Variants in IL1RAPL1 observed in about 807,000 individuals in gnomAD.
The protein encoded by IL1RAPL1 is interleukin-1 receptor accessory protein-like 1.
A neutral mutation model predicts 48.4 loss-of-function variants in IL1RAPL1; 3 were observed. The ratio of observed to expected loss-of-function variants is 0.06; its 90% confidence interval spans 0.03 to 0.16. The LOEUF (loss-of-function observed/expected upper bound fraction) is 0.16, where lower values mean the gene tolerates loss of function less well. IL1RAPL1 is among the 10% of genes least tolerant of loss of function. The pLI, the probability that IL1RAPL1 is intolerant of heterozygous loss-of-function variation, is 1.00. For missense variants in IL1RAPL1, 349 were observed against 530.6 expected (o/e 0.66, Z 3.36); for synonymous variants, 185 against 187.7 (o/e 0.99, Z 0.12).
At chrX:29,318,609 C>G (rs1432677990) in intron 3 of IL1RAPL1, among the ~76,000 whole-genome samples, 1 of 112,319 alleles carries the variant, frequency 8.9e-6, no homozygotes, top group East Asian at 2.8e-4. Flanking sequence ...CAGAAAGATG[C>G]CTATGCAACT....
chrX:28,807,056 A>G (rs921316712), intron 2 of IL1RAPL1, among the ~76,000 whole-genome samples: 2 of 111,480 alleles, frequency 1.8e-5, no homozygotes, highest in East Asian at 5.7e-4. Context: ...GTATGGAGTC[A>G]GCAGAATAGT....
chrX:28,700,868 G>A (rs1271766394), intron 1 of IL1RAPL1, among the ~76,000 whole-genome samples: 5 of 111,159 alleles, frequency 4.5e-5, no homozygotes, highest in Non-Finnish European at 9.4e-5. Flanking sequence ...CCATGTCCCT[G>A]CAAAGGACAT....
At position 29,080,924 on chromosome X, in the gene IL1RAPL1, T is replaced by TTTTC. The variant is rs1270246223; in HGVS notation, c.83-201944_83-201941dup. 2.7e-3 allele frequency among the ~76,000 whole-genome samples: 181 copies of TTTTC among 67,831 alleles called. 4 individuals carry two copies. Among genetic ancestry groups the TTTTC allele is most frequent in the East Asian group, 3.9e-3 (8 of 2,037 alleles). 58.9% of individuals were successfully genotyped at this position (67,831 alleles called of 115,157 possible). A position where few individuals can be genotyped will look rare whatever the true frequency, so the allele number is the denominator to read the frequency against. ...CATCCAGCTATTTTTTTTAAATATT[T>TTTTC]TTTCTTTCTTTCTTTCTTTCTTTCT... On this transcript the variant is annotated intron_variant, in intron 2 of 10. Transcript: ENST00000378993.
chrX:28,945,199 C>T (rs1216866710), intron 2 of IL1RAPL1, among the ~76,000 whole-genome samples: 2 of 111,209 alleles, frequency 1.8e-5, no homozygotes, highest in East Asian at 5.7e-4. Context: ...GTGGCGATTC[C>T]TCCAGGATCT....
At position 29,057,680 on chromosome X, in the gene IL1RAPL1, C is replaced by T. The variant is rs763000363; in HGVS notation, c.83-225258C>T. Reference sequence around the variant, plus strand: ...TTGACCCCAGGTGATCCGCCCGCCTCGGCCTCCCAAAGTGCTGGGATTACA... The same window carrying T: ...TTGACCCCAGGTGATCCGCCCGCCTTGGCCTCCCAAAGTGCTGGGATTACA... On this transcript the variant is annotated intron_variant, in intron 2 of 10. Coordinates refer to ENST00000378993, the MANE Select transcript of IL1RAPL1 (RefSeq NM_014271.4). 1.6e-4 allele frequency among the ~76,000 whole-genome samples: 18 copies of T among 111,236 alleles called. No individual in the cohort carries two copies. The East Asian group carries it at 2.6e-3, about 16-fold the overall frequency.
Position 29,955,852 on chromosome X carries a change from G to A in IL1RAPL1, c.*32G>A, listed in dbSNP as rs1933409644. 9.0e-7 allele frequency: 1 copy of A among 1,110,613 alleles called. No homozygotes were observed. 91.5% of individuals were successfully genotyped at this position (1,110,613 alleles called of 1,213,427 possible). A position where few individuals can be genotyped will look rare whatever the true frequency, so the allele number is the denominator to read the frequency against. On this transcript the variant is annotated 3_prime_UTR_variant, in exon 11 of 11. Coordinates refer to ENST00000378993, the MANE Select transcript of IL1RAPL1 (RefSeq NM_014271.4). ...AGCAAGGGACATCCCGTCCCTGGGAGGTTGAGTGGAATCTGCAGTCCAGTG... is the reference window on the plus strand; with the variant it reads ...AGCAAGGGACATCCCGTCCCTGGGAAGTTGAGTGGAATCTGCAGTCCAGTG...
At chrX:29,734,464 A>G (rs908618785) in intron 6 of IL1RAPL1, among the ~76,000 whole-genome samples, 4 of 112,104 alleles carry the variant, frequency 3.6e-5, no homozygotes, top group African/African-American at 6.5e-5. Flanking sequence ...AGGACGCGGT[A>G]CAGAGCAATC....
At chrX:29,109,432 A>T (rs1019720058) in intron 2 of IL1RAPL1, among the ~76,000 whole-genome samples, 1 of 110,712 alleles carries the variant, frequency 9.0e-6, no homozygotes, top group Non-Finnish European at 1.9e-5. Context: ...TGTAAAGTTA[A>T]ATCATTAAAT....
intron 6 of IL1RAPL1, among the ~76,000 whole-genome samples, chrX:29,874,581 C>G (rs1470628980): frequency 9.0e-6 from 1 of 111,725 alleles, no homozygotes; most frequent in Admixed American, 9.6e-5. Context: ...GAGTTCAGAT[C>G]TTTGGAAAAT....
At chrX:29,293,281 ATT>A (rs766351004) in intron 3 of IL1RAPL1, among the ~76,000 whole-genome samples, 6 of 96,600 alleles carry the variant, frequency 6.2e-5, no homozygotes, top group African/African-American at 3.7e-5. Flanking sequence ...AAAACAGCCT[ATT>A]TTTTTTTTTT....
At position 29,610,818 on chromosome X, in the gene IL1RAPL1, C is replaced by A. The variant is rs189170421; in HGVS notation, c.704-57612C>A. 2.4e-3 allele frequency among the ~76,000 whole-genome samples: 273 copies of A among 112,025 alleles called. 1 individual carries two copies. The highest frequency in any genetic ancestry group is 3.3e-3 in the Non-Finnish European group (174 of 53,223). On this transcript the variant is annotated intron_variant, in intron 5 of 10. Coordinates refer to ENST00000378993, the MANE Select transcript of IL1RAPL1 (RefSeq NM_014271.4). ...CTTTTGGGCTCCTGCCCCACAGTGG[C>A]GTCTAGGGTTGTGTTACAATTAATG...
chrX:28,939,758 CA>C (rs1223442078), intron 2 of IL1RAPL1, among the ~76,000 whole-genome samples: 2 of 111,430 alleles, frequency 1.8e-5, no homozygotes, highest in Non-Finnish European at 3.8e-5. Flanking sequence ...ACATATTTTA[CA>C]ATTGATTGGG....
At chrX:28,729,077 C>T (rs2146945498) in intron 1 of IL1RAPL1, among the ~76,000 whole-genome samples, 1 of 112,037 alleles carries the variant, frequency 8.9e-6, no homozygotes, top group South Asian at 3.7e-4. Context: ...GCTACTATGA[C>T]TATAAATATA....
At chrX:29,244,699 G>A (rs180932080) in intron 2 of IL1RAPL1, among the ~76,000 whole-genome samples, 46 of 112,518 alleles carry the variant, frequency 4.1e-4, no homozygotes, top group Non-Finnish European at 3.2e-4. Context: ...TTCACTGCAT[G>A]TATGCAAGCA....
Position 29,764,073 on chromosome X carries a change from G to A in IL1RAPL1, c.778+95569G>A, listed in dbSNP as rs773684927. Among the ~76,000 whole-genome samples, 423 of 111,230 alleles carry A rather than the reference G, an allele frequency of 3.8e-3. 1 individual carries two copies. Among genetic ancestry groups the A allele is most frequent in the Non-Finnish European group, 6.6e-3 (350 of 53,003 alleles). On this transcript the variant is annotated intron_variant, in intron 6 of 10. Transcript: ENST00000378993. Reference sequence around the variant, plus strand: ...GTTTTAAAACAAAAAAGCCCTTAAAGCGTGCTATGAATAAAGTAGGAAACA... The same window carrying A: ...GTTTTAAAACAAAAAAGCCCTTAAAACGTGCTATGAATAAAGTAGGAAACA...
At chrX:29,547,900 G>A (rs945935806) in intron 5 of IL1RAPL1, among the ~76,000 whole-genome samples, 2 of 112,368 alleles carry the variant, frequency 1.8e-5, no homozygotes, top group South Asian at 3.6e-4. Context: ...AAACAAGATC[G>A]ATTTCATATT....
rs200483571 is a variant in IL1RAPL1, at chrX:29,518,238, C to T, written c.703+118930C>T. Among the ~76,000 whole-genome samples, 17 of 111,317 alleles carry T rather than the reference C, an allele frequency of 1.5e-4. No homozygotes were observed. In the East Asian group the frequency reaches 3.7e-3, roughly 24 times the overall value. ...AGAGGTATCTAGAAATTGAGAAATG[C>T]TATACAAAATAGCATATGGCTCTGC... On this transcript the variant is annotated intron_variant, in intron 5 of 10. Coordinates refer to ENST00000378993, the MANE Select transcript of IL1RAPL1 (RefSeq NM_014271.4).
At chrX:29,767,320 A>G (rs1034541456) in intron 6 of IL1RAPL1, among the ~76,000 whole-genome samples, 12 of 112,125 alleles carry the variant, frequency 1.1e-4, no homozygotes, top group African/African-American at 3.9e-4. Flanking sequence ...ATACTGCAAG[A>G]CATTTTCTCC....
At chrX:29,797,671 G>A (rs888992912) in intron 6 of IL1RAPL1, among the ~76,000 whole-genome samples, 1 of 111,254 alleles carries the variant, frequency 9.0e-6, no homozygotes, top group Non-Finnish European at 1.9e-5. Flanking sequence ...TCAGGAGTTC[G>A]AGACTAGCCT....
Sources: gnomAD v4.1 joint callset for allele counts (sites outside exome capture counted in the v4.1 genomes callset) on GRCh38, gnomAD v4.1.1 for gene constraint, MANE v1.5 for transcripts, NCBI Gene and HGNC (gene_info 2026-07-23, HGNC 2026-07-21) for gene names.